The following STPG2 variants were observed in gnomAD, a reference collection of about 807,000 sequenced individuals.
STPG2 encodes the protein sperm-tail PG-rich repeat-containing protein 2.
Under a neutral mutation model 54.2 loss-of-function variants are expected in STPG2, and 56 were observed. That is an observed-to-expected ratio of 1.03 (90% confidence interval 0.83 to 1.29). The LOEUF is 1.29. Among genes scored for constraint, STPG2 ranks in the 50% most tolerant of loss-of-function variants. The pLI, the probability that STPG2 is intolerant of heterozygous loss-of-function variation, is 0.00. For synonymous variants in STPG2, 200 were observed against 181.8 expected (o/e 1.10, Z -0.81); for missense variants, 596 against 544.9 (o/e 1.09, Z -0.93).
intron 7 of STPG2, among the ~76,000 whole-genome samples, chr4:97,966,343 C>A (rs34205844): frequency 0.39 from 59,815 of 151,648 alleles, 11,918 homozygotes; most frequent in Middle Eastern, 0.46. Flanking sequence ...TAAAAGGAAC[C>A]AACAAAACCT....
chr4:97,977,758 C>T (rs1734543757), intron 6 of STPG2, among the ~76,000 whole-genome samples: 1 of 152,134 alleles, frequency 6.6e-6, no homozygotes, highest in Non-Finnish European at 1.5e-5. Context: ...GAGTAGCAAA[C>T]AATTATACGA....
chr4:97,697,979 G>A (rs902433452), intron 10 of STPG2, among the ~76,000 whole-genome samples: 28 of 152,078 alleles, frequency 1.8e-4, no homozygotes, highest in Admixed American at 1.8e-3. Context: ...CAATAAATAC[G>A]TGGGTAAAAC....
intron 10 of STPG2, among the ~76,000 whole-genome samples, chr4:97,563,747 T>C (rs976344863): frequency 1.3e-5 from 2 of 152,232 alleles, no homozygotes; most frequent in African/African-American, 4.8e-5. Context: ...AGTTGAGTGC[T>C]TTTGAGTGAG....
At chr4:97,910,535 T>G (rs1363293325) in intron 8 of STPG2, among the ~76,000 whole-genome samples, 1 of 152,150 alleles carries the variant, frequency 6.6e-6, no homozygotes, top group South Asian at 2.1e-4. Context: ...CAAATTGACA[T>G]CTGAACCACA....
At chr4:97,940,495 C>A (rs1441796136) in intron 8 of STPG2, among the ~76,000 whole-genome samples, 1 of 152,144 alleles carries the variant, frequency 6.6e-6, no homozygotes, top group African/African-American at 2.4e-5. Flanking sequence ...TTTGTTCATT[C>A]CTTTTTGTTC....
At chr4:97,788,599 G>A (rs893489323) in intron 9 of STPG2, among the ~76,000 whole-genome samples, 1 of 152,036 alleles carries the variant, frequency 6.6e-6, no homozygotes, top group Non-Finnish European at 1.5e-5. Flanking sequence ...CCAGCAGTGG[G>A]ACTGCTAGAT....
In STPG2 at chr4:97,776,237, A is replaced by G. The variant is rs972636722; in HGVS notation, c.1205-63423T>C. ...ATTTAAATGTACTAGGAACATTATT[A>G]TAAGTTAAACCTATAAGGTAGGCAC... On this transcript the variant is annotated intron_variant, in intron 9 of 10. Coordinates refer to ENST00000295268, the MANE Select transcript of STPG2 (RefSeq NM_174952.3). Among the ~76,000 whole-genome samples the G allele has an allele frequency of 7.9e-5, 12 of 152,344 alleles. 1 individual carries two copies. Among genetic ancestry groups the G allele is most frequent in the Admixed American group, 6.5e-5 (1 of 15,300 alleles).
intron 9 of STPG2, among the ~76,000 whole-genome samples, chr4:97,767,881 G>C (rs1726101233): frequency 6.6e-6 from 1 of 152,028 alleles, no homozygotes; most frequent in South Asian, 2.1e-4. Context: ...ATAAAACATA[G>C]AGTTGGCCAG....
chr4:97,954,404 CTG>C (rs1254347984), intron 7 of STPG2, among the ~76,000 whole-genome samples: 1 of 152,156 alleles, frequency 6.6e-6, no homozygotes, highest in African/African-American at 2.4e-5. Context: ...TGCTAAGCAA[CTG>C]TGTCTTCTTG....
At chr4:98,002,478 T>C (rs1463088147) in intron 5 of STPG2, among the ~76,000 whole-genome samples, 1 of 151,836 alleles carries the variant, frequency 6.6e-6, no homozygotes, top group Non-Finnish European at 1.5e-5. Context: ...GAAAAAGAAG[T>C]AGGAAAGTAG....
At chr4:97,954,158 CA>C (rs1321758979) in intron 7 of STPG2, among the ~76,000 whole-genome samples, 1 of 152,108 alleles carries the variant, frequency 6.6e-6, no homozygotes, top group Non-Finnish European at 1.5e-5. Flanking sequence ...GAGTAGTTTA[CA>C]AAAGACCACA....
intron 10 of STPG2, among the ~76,000 whole-genome samples, chr4:97,685,256 C>T (rs3913986): frequency 0.45 from 68,046 of 151,824 alleles, 16,752 homozygotes; most frequent in South Asian, 0.62. Context: ...GACAAAAAAC[C>T]TGCACATGAA....
intron 4 of STPG2, among the ~76,000 whole-genome samples, chr4:97,548,468 AG>A (rs1731894155): frequency 6.6e-6 from 1 of 152,236 alleles, no homozygotes; most frequent in Non-Finnish European, 1.5e-5. Context: ...TCAGTTATTT[AG>A]TCTGCCTTGT....
intron 3 of STPG2, among the ~76,000 whole-genome samples, chr4:98,111,405 T>C (rs916162003): frequency 2.0e-5 from 3 of 152,090 alleles, no homozygotes; most frequent in African/African-American, 4.8e-5. Flanking sequence ...GCAGATGTAG[T>C]TGAAACTAAA....
chr4:98,114,055 CT>C (rs1739438295), intron 3 of STPG2, among the ~76,000 whole-genome samples: 1 of 55,972 alleles, frequency 1.8e-5, no homozygotes, highest in African/African-American at 8.1e-5. Context: ...AAACACTCCT[CT>C]CTCCTCTTCT....
chr4:97,462,388 T>C (rs948481831), intron 4 of STPG2, among the ~76,000 whole-genome samples: 9 of 152,040 alleles, frequency 5.9e-5, no homozygotes, highest in African/African-American at 9.6e-5. Context: ...TCAAATTCTA[T>C]ATAAATTTTC....
intron 9 of STPG2, among the ~76,000 whole-genome samples, chr4:97,764,162 A>G (rs568785524): frequency 6.6e-6 from 1 of 151,726 alleles, no homozygotes; most frequent in South Asian, 2.1e-4. Context: ...ACAGACACAC[A>G]CACACACATA....
At chr4:97,940,710 T>A (rs569963602) in intron 8 of STPG2, among the ~76,000 whole-genome samples, 12 of 152,328 alleles carry the variant, frequency 7.9e-5, no homozygotes, top group African/African-American at 2.6e-4. Flanking sequence ...ATCACTTTAT[T>A]GTGATTTTAA....
rs1215694639 is a variant in STPG2, at chr4:97,943,988, C to G, written c.953G>C (p.Gly318Ala). Reference protein sequence around the residue: ...ADYQEFWHSQGVGISDELPNL... With the variant: ...ADYQEFWHSQAVGISDELPNL... ...AGGTAATTCATCAGAAATTCCCACA[C>G]CCTGTGAATGCCAAAATTCCTGTTG... The change falls in exon 8 of 11, where the codon GGT becomes GCT. Residue 318 changes from glycine (G) to alanine (A), a missense_variant. Gly to Ala is a moderately conservative substitution (Grantham distance 60). Transcript: ENST00000295268. 3.1e-6 allele frequency: 5 copies of G among 1,609,512 alleles called. No homozygotes were observed. The highest frequency in any genetic ancestry group is 8.5e-7 in the Non-Finnish European group (1 of 1,178,254).
Sources: allele counts gnomAD v4.1 joint callset (sites outside exome capture counted in the v4.1 genomes callset), GRCh38; gene constraint gnomAD v4.1.1; transcripts MANE v1.5; gene names NCBI Gene and HGNC (gene_info 2026-07-23, HGNC 2026-07-21).